The following GTSF1 variants were observed in gnomAD, a reference collection of about 807,000 sequenced individuals.
The protein encoded by GTSF1 is gametocyte specific factor 1.
A neutral mutation model predicts 28.9 loss-of-function variants in GTSF1; 11 were observed. The ratio of observed to expected loss-of-function variants is 0.38; its 90% confidence interval spans 0.24 to 0.63. The LOEUF (loss-of-function observed/expected upper bound fraction) is 0.63. Among genes scored for constraint, GTSF1 ranks in the 30% least tolerant of loss-of-function variants. The pLI, the probability that GTSF1 is intolerant of heterozygous loss-of-function variation, is 0.56. For synonymous variants in GTSF1, 69 were observed against 65.6 expected, an observed-to-expected ratio of 1.05 and a Z score of -0.25; for missense variants, 146 against 201.0, an observed-to-expected ratio of 0.73 and a Z score of 1.66.
intron 6 of GTSF1, 63 bp downstream of exon 6, chr12:54,462,046 T>C (rs987142055): frequency 9.6e-6 from 12 of 1,252,450 alleles, no homozygotes; most frequent in Non-Finnish European, 1.3e-5. Flanking sequence ...TCCGGTGGCT[T>C]CTCTTGGTAA....
At chr12:54,456,902 T>A (rs1956341081) in intron 8 of GTSF1, among the ~76,000 whole-genome samples, 1 of 152,030 alleles carries the variant, frequency 6.6e-6, no homozygotes, top group Non-Finnish European at 1.5e-5. Context: ...CTGGCCAACA[T>A]GGTGAAACAC....
At chr12:54,465,439 C>T (rs958561405) in intron 2 of GTSF1, among the ~76,000 whole-genome samples, 3 of 152,028 alleles carry the variant, frequency 2.0e-5, no homozygotes, top group Non-Finnish European at 4.4e-5. Flanking sequence ...TATTATAAAA[C>T]AAAAAGTTAA....
chr12:54,465,276 TATAGTCTAAAGAAA>T (rs1956493225), intron 2 of GTSF1, 109 bp from the exon 3 acceptor site: 2 of 602,658 alleles, frequency 3.3e-6, no homozygotes, highest in Non-Finnish European at 5.9e-6. Flanking sequence ...AATAGAACAA[TATAGTCTAAAGAAA>T]ACTTGGATTA....
chr12:54,469,954 C>CCT (rs1956574309), intron 2 of GTSF1, among the ~76,000 whole-genome samples: 2 of 152,036 alleles, frequency 1.3e-5, no homozygotes, highest in African/African-American at 4.8e-5. Context: ...AGGTGGATCA[C>CCT]AAGGTCAGGA....
chr12:54,464,392 A>T (rs1388503977), intron 3 of GTSF1, among the ~76,000 whole-genome samples: 1 of 152,166 alleles, frequency 6.6e-6, no homozygotes, highest in African/African-American at 2.4e-5. Context: ...AGCACTTTTT[A>T]AAGGATGTTA....
At chr12:54,463,373 C>T in intron 3 of GTSF1, 76 bp from the exon 4 acceptor site, 2 of 1,366,718 alleles carry the variant, frequency 1.5e-6, no homozygotes, top group Non-Finnish European at 2.0e-6. Flanking sequence ...AAGCCTTATT[C>T]TACAAATGCC....
At chr12:54,472,680 T>A (rs1956606982) in intron 1 of GTSF1, 1 of 152,086 alleles carries the variant, frequency 6.6e-6, no homozygotes, top group African/African-American at 2.4e-5. Flanking sequence ...TCTACACTCC[T>A]CACCACCCCT....
chr12:54,465,638 GT>G (rs1956500802), intron 2 of GTSF1, among the ~76,000 whole-genome samples: 1 of 152,038 alleles, frequency 6.6e-6, no homozygotes, highest in Admixed American at 6.6e-5. Context: ...CCACAGGCAA[GT>G]TGGGGGTAGT....
At chr12:54,471,194 G>A in intron 2 of GTSF1, 39 bp downstream of exon 2, 1 of 1,494,830 alleles carries the variant, frequency 6.7e-7, no homozygotes, top group Non-Finnish European at 9.1e-7. Flanking sequence ...ATACGTAAAT[G>A]ATTTAACTTA....
At chr12:54,465,585 TGG>T (rs1956499144) in intron 2 of GTSF1, among the ~76,000 whole-genome samples, 1 of 152,158 alleles carries the variant, frequency 6.6e-6, no homozygotes, top group South Asian at 2.1e-4. Context: ...TACACTGATT[TGG>T]GGGCCCACAA....
In GTSF1 at chr12:54,465,084, G is replaced by C; in HGVS notation, c.100C>G (p.Leu34Val). ...GACCCTACCTTTCTGCACTTGATAA[G>C]ATGATAAGGAAACCTGCAAGCCCTG... Reference protein sequence around the residue: ...QIRACRFPYHLIKCRKNHPDV... With the variant: ...QIRACRFPYHVIKCRKNHPDV... Residue 34 changes from leucine to valine, a missense_variant, in exon 3 of 9, where the codon CTT becomes GTT. Physicochemically the swap from Leu to Val is conservative, Grantham distance 32 (BLOSUM62 1). Transcript: ENST00000305879. The C allele has an allele frequency of 6.2e-7, 1 of 1,612,864 alleles. No individual in the cohort carries two copies. The highest frequency in any genetic ancestry group is 8.5e-7 in the Non-Finnish European group (1 of 1,179,078).
At chr12:54,462,498 T>C in intron 5 of GTSF1, 144 bp downstream of exon 5, 1 of 694,896 alleles carries the variant, frequency 1.4e-6, no homozygotes, top group Admixed American at 2.5e-5. Context: ...GCGATACAAA[T>C]GTGCTCGTTT....
chr12:54,462,102 C>G lies in GTSF1; in HGVS notation c.392+7G>C. 1 of 1,607,996 alleles carries G rather than the reference C, an allele frequency of 6.2e-7. No individual in the cohort carries two copies. Among genetic ancestry groups the G allele is most frequent in the Non-Finnish European group, 8.5e-7 (1 of 1,174,606 alleles). Reference sequence around the variant, plus strand: ...AGACAATGCTGGGATAAGACTATTTCATTTACCTGTTGTTGTCAGAGTAGT... The same window carrying G: ...AGACAATGCTGGGATAAGACTATTTGATTTACCTGTTGTTGTCAGAGTAGT... On this transcript the variant is annotated splice_region_variant and intron_variant, in intron 6 of 8. Transcript: ENST00000305879.
At chr12:54,457,855 G>A (rs1956358979) in intron 8 of GTSF1, among the ~76,000 whole-genome samples, 1 of 152,174 alleles carries the variant, frequency 6.6e-6, no homozygotes, top group Non-Finnish European at 1.5e-5. Context: ...TTTGACGTCA[G>A]AATCTACTAG....
intron 2 of GTSF1, among the ~76,000 whole-genome samples, chr12:54,469,842 C>A (rs1459542583): frequency 1.3e-5 from 2 of 151,986 alleles, no homozygotes; most frequent in Non-Finnish European, 2.9e-5. Flanking sequence ...GCATGAGCCA[C>A]CACGCCTGGC....
Sources: gnomAD v4.1 joint callset for allele counts (sites outside exome capture counted in the v4.1 genomes callset) on GRCh38, gnomAD v4.1.1 for gene constraint, MANE v1.5 for transcripts, NCBI Gene and HGNC (gene_info 2026-07-23, HGNC 2026-07-21) for gene names.